FHIT: variants seen among roughly 807,000 people sequenced by gnomAD.
FHIT encodes the protein fragile histidine triad diadenosine triphosphatase.
In FHIT, 19 loss-of-function variants were observed where a neutral mutation model predicts 17.9. The ratio of observed to expected loss-of-function variants is 1.06; its 90% CI spans 0.74 to 1.56. FHIT has a LOEUF of 1.56. Among genes scored for constraint, FHIT ranks in the 40% most tolerant of loss-of-function variants. The pLI, the probability that FHIT is intolerant of heterozygous loss-of-function variation, is 0.00. For missense variants in FHIT, 248 were observed against 189.2 expected, an observed-to-expected ratio of 1.31 and a Z score of -1.82; for synonymous variants, 81 against 69.7, an observed-to-expected ratio of 1.16 and a Z score of -0.81.
intron 2 of FHIT, among the ~76,000 whole-genome samples, chr3:61,138,959 AT>A (rs1012139524): frequency 7.9e-5 from 12 of 152,276 alleles, no homozygotes; most frequent in Admixed American, 1.3e-4. Flanking sequence ...TAATAAAAAA[AT>A]AAAGAAGAAC....
intron 4 of FHIT, among the ~76,000 whole-genome samples, chr3:60,648,434 C>G (rs967910079): frequency 6.6e-6 from 1 of 151,884 alleles, no homozygotes; most frequent in South Asian, 2.1e-4. Context: ...AACAATTGTG[C>G]GTGGTACTTT....
chr3:60,156,741 A>C lies in FHIT; in HGVS notation c.104-142589T>G, dbSNP rs779074811. Among the ~76,000 whole-genome samples, 177 of 152,108 alleles carry C rather than the reference A, an allele frequency of 1.2e-3. 1 individual carries two copies. The highest frequency in any genetic ancestry group is 1.8e-3 in the Non-Finnish European group (120 of 68,026). On this transcript the variant is annotated intron_variant, in intron 5 of 9. Transcript: ENST00000492590. Reference sequence around the variant, plus strand: ...ACTTTCACCTGGGCAATGGAGTGAGACCCTGTCTCAAAAATAAATAAGTAT... The same window carrying C: ...ACTTTCACCTGGGCAATGGAGTGAGCCCCTGTCTCAAAAATAAATAAGTAT...
At chr3:60,188,207 C>CTTTTTTTTTTTTTTTTTTTTTT (rs1210975877) in intron 5 of FHIT, among the ~76,000 whole-genome samples, 3 of 125,574 alleles carry the variant, frequency 2.4e-5, no homozygotes, top group Non-Finnish European at 3.3e-5. Flanking sequence ...CAGTTTCTTT[C>CTTTTTTTTTTTTTTTTTTTTTT]TTTTTTTTTT....
chr3:60,139,021 T>C (rs140063823), intron 5 of FHIT, among the ~76,000 whole-genome samples: 1 of 152,280 alleles, frequency 6.6e-6, no homozygotes, highest in African/African-American at 2.4e-5. Flanking sequence ...AAAAGCCCGA[T>C]GTCTCCTCCA....
At chr3:61,122,020 A>G (rs1413051665) in intron 2 of FHIT, among the ~76,000 whole-genome samples, 2 of 152,212 alleles carry the variant, frequency 1.3e-5, no homozygotes, top group African/African-American at 4.8e-5. Flanking sequence ...CGATGCAACA[A>G]GAAAAGCTAA....
intron 4 of FHIT, among the ~76,000 whole-genome samples, chr3:60,573,605 CAGG>C (rs879993122): frequency 2.0e-5 from 3 of 152,034 alleles, no homozygotes; most frequent in African/African-American, 4.8e-5. Flanking sequence ...CTCTAAGAAG[CAGG>C]AGAAGACAAA....
chr3:60,725,499 G>C (rs1429928731), intron 4 of FHIT, among the ~76,000 whole-genome samples: 1 of 152,060 alleles, frequency 6.6e-6, no homozygotes, highest in African/African-American at 2.4e-5. Context: ...TTATTCTTTT[G>C]TGTGTGGATA....
intron 3 of FHIT, among the ~76,000 whole-genome samples, chr3:61,036,246 C>A (rs1420140523): frequency 6.6e-6 from 1 of 152,128 alleles, no homozygotes; most frequent in Non-Finnish European, 1.5e-5. Flanking sequence ...ACAGCCAGAT[C>A]TCCAAAACTC....
intron 5 of FHIT, among the ~76,000 whole-genome samples, chr3:60,467,515 T>C (rs553448780): frequency 6.6e-6 from 1 of 152,044 alleles, no homozygotes; most frequent in Non-Finnish European, 1.5e-5. Flanking sequence ...TTTTGATACA[T>C]TGCGTTTCCA....
At chr3:61,008,207 A>G (rs921001321) in intron 3 of FHIT, among the ~76,000 whole-genome samples, 4 of 152,242 alleles carry the variant, frequency 2.6e-5, no homozygotes, top group African/African-American at 9.6e-5. Context: ...TTTTGCAGGT[A>G]ATCAATATCT....
intron 5 of FHIT, among the ~76,000 whole-genome samples, chr3:60,217,722 T>C (rs759918876): frequency 2.6e-5 from 4 of 152,154 alleles, no homozygotes; most frequent in Admixed American, 6.6e-5. Context: ...CCCTCCATTA[T>C]CCAAATGCAT....
chr3:60,076,802 GAA>G (rs11293601), intron 5 of FHIT, among the ~76,000 whole-genome samples: 1 of 151,006 alleles, frequency 6.6e-6, no homozygotes, highest in African/African-American at 2.4e-5. Context: ...TGATAAATAA[GAA>G]AAAAAAACCC....
rs1250843492 is a variant in FHIT at position 60,860,149 on chromosome 3, T to C, written c.-110-38138A>G. ...ATATATCTGATATATATACATATGG[T>C]ATATATGATATACATCATATGTATA... is the stretch of plus-strand genomic sequence containing the variant. On this transcript the variant is annotated intron_variant, in intron 3 of 9. Coordinates refer to ENST00000492590, the MANE Select transcript of FHIT (RefSeq NM_002012.4). Among the ~76,000 whole-genome samples the C allele has an allele frequency of 2.2e-5, 3 of 134,844 alleles. 1 individual carries two copies. The highest frequency in any genetic ancestry group is 2.2e-4 in the Admixed American group (3 of 13,554). 88.5% of individuals were successfully genotyped at this position (134,844 alleles called of 152,430 possible). A position where few individuals can be genotyped will look rare whatever the true frequency, so the allele number is the denominator to read the frequency against.
intron 5 of FHIT, among the ~76,000 whole-genome samples, chr3:60,229,559 G>C (rs1238489656): frequency 6.6e-6 from 1 of 152,170 alleles, no homozygotes; most frequent in Non-Finnish European, 1.5e-5. Flanking sequence ...AAGTATAAAA[G>C]TAGATATTTT....
intron 4 of FHIT, among the ~76,000 whole-genome samples, chr3:60,677,842 TA>T (rs2040659203): frequency 6.6e-6 from 1 of 152,178 alleles, no homozygotes; most frequent in African/African-American, 2.4e-5. Context: ...TCAATCTTAC[TA>T]TTCATTATTG....
chr3:60,088,701 T>A (rs1703603990), intron 5 of FHIT, among the ~76,000 whole-genome samples: 1 of 152,210 alleles, frequency 6.6e-6, no homozygotes, highest in African/African-American at 2.4e-5. Context: ...AATTCCTTCT[T>A]ATTTACTTTC....
intron 5 of FHIT, among the ~76,000 whole-genome samples, chr3:60,027,949 C>T (rs1700823706): frequency 6.6e-6 from 1 of 152,092 alleles, no homozygotes; most frequent in African/African-American, 2.4e-5. Context: ...TATTTAATTG[C>T]ATTTTGTTTT....
At chr3:60,724,996 T>C (rs530049942) in intron 4 of FHIT, among the ~76,000 whole-genome samples, 138 of 152,260 alleles carry the variant, frequency 9.1e-4, no homozygotes, top group Non-Finnish European at 1.7e-3. Flanking sequence ...TGATGTGGTA[T>C]CTCGTAATGG....
At chr3:60,465,056 G>T (rs1365649551) in intron 5 of FHIT, among the ~76,000 whole-genome samples, 1 of 151,906 alleles carries the variant, frequency 6.6e-6, no homozygotes, top group African/African-American at 2.4e-5. Flanking sequence ...TCATTATTTT[G>T]TGTCCTCTTC....
Sources: allele counts gnomAD v4.1 joint callset (sites outside exome capture counted in the v4.1 genomes callset), GRCh38; gene constraint gnomAD v4.1.1; transcripts MANE v1.5; gene names NCBI Gene and HGNC (gene_info 2026-07-23, HGNC 2026-07-21).